Variants in CLSTN2 observed in about 807,000 individuals in gnomAD.
CLSTN2 encodes the protein calsyntenin-2.
CLSTN2 carries 48 observed loss-of-function variants against 101.2 expected under a neutral mutation model. The ratio of observed to expected loss-of-function variants is 0.47; its 90% CI spans 0.38 to 0.60. CLSTN2 has a LOEUF of 0.60. CLSTN2 is among the 20% of genes least tolerant of loss of function. The pLI is 0.00. For synonymous variants in CLSTN2, 481 were observed against 463.6 expected, an observed-to-expected ratio of 1.04 and a Z score of -0.48; for missense variants, 1,160 against 1,238.2, an observed-to-expected ratio of 0.94 and a Z score of 0.95.
At chr3:140,015,766 C>T (rs2007188205) in intron 1 of CLSTN2, among the ~76,000 whole-genome samples, 1 of 152,248 alleles carries the variant, frequency 6.6e-6, no homozygotes, top group African/African-American at 2.4e-5. Flanking sequence ...CTGCCTAGAG[C>T]AGTTGCTCTT....
intron 2 of CLSTN2, among the ~76,000 whole-genome samples, chr3:140,403,205 C>A (rs1313438410): frequency 1.3e-5 from 2 of 152,190 alleles, no homozygotes; most frequent in Non-Finnish European, 2.9e-5. Context: ...CTGGAACTCA[C>A]ATAGACTCAC....
intron 2 of CLSTN2, among the ~76,000 whole-genome samples, chr3:140,347,945 G>A (rs1442607525): frequency 6.6e-6 from 1 of 152,220 alleles, no homozygotes; most frequent in Non-Finnish European, 1.5e-5. Flanking sequence ...CTGAAAATTG[G>A]CTAAGCAGGA....
In CLSTN2 at chr3:140,566,056, C is replaced by A; in HGVS notation, c.2671C>A (p.His891Asn). The A allele has an allele frequency of 6.2e-7, 1 of 1,613,960 alleles. No homozygotes were observed. Among genetic ancestry groups the A allele is most frequent in the Non-Finnish European group, 8.5e-7 (1 of 1,179,918 alleles). ...GCTTTTTCTCCTTGATATCCAGAAA[C>A]ATGAAGGACCAGGGCATGGGGAAGA... ...LTITVNPMEK[H>N]EGPGHGEDET... Residue 891 changes from histidine (H) to asparagine (N), a missense_variant, in exon 17 of 17, where the codon CAT (histidine) becomes AAT (asparagine). By Grantham distance (68) the His-to-Asn change is moderately conservative (BLOSUM62 1). Transcript: ENST00000458420.
intron 2 of CLSTN2, among the ~76,000 whole-genome samples, chr3:140,200,520 T>C (rs1184859261): frequency 3.3e-5 from 5 of 152,198 alleles, no homozygotes; most frequent in South Asian, 2.1e-4. Context: ...TAGCATGCTC[T>C]TTATATCTAC....
intron 2 of CLSTN2, among the ~76,000 whole-genome samples, chr3:140,232,300 T>C (rs2107860929): frequency 6.6e-6 from 1 of 152,300 alleles, no homozygotes; most frequent in South Asian, 2.1e-4. Flanking sequence ...GATCTAGCCA[T>C]AGAGTTATTG....
chr3:140,220,822 G>A (rs1237863535), intron 2 of CLSTN2, among the ~76,000 whole-genome samples: 1 of 152,214 alleles, frequency 6.6e-6, no homozygotes, highest in Non-Finnish European at 1.5e-5. Flanking sequence ...GAGAAGGAAA[G>A]GAGAGTGAAA....
At chr3:140,029,147 T>G (rs1422522432) in intron 1 of CLSTN2, among the ~76,000 whole-genome samples, 1 of 152,192 alleles carries the variant, frequency 6.6e-6, no homozygotes, top group Non-Finnish European at 1.5e-5. Flanking sequence ...TTTTTTTTCT[T>G]GCCTTCTCCA....
At chr3:140,395,692 A>G (rs1469755846) in intron 2 of CLSTN2, among the ~76,000 whole-genome samples, 1 of 152,240 alleles carries the variant, frequency 6.6e-6, no homozygotes, top group Non-Finnish European at 1.5e-5. Flanking sequence ...ATTCAGCCCT[A>G]AAGTGATATT....
chr3:140,557,259 A>C (rs1395960372), intron 11 of CLSTN2, among the ~76,000 whole-genome samples: 1 of 152,116 alleles, frequency 6.6e-6, no homozygotes, highest in Non-Finnish European at 1.5e-5. Context: ...GGAAGGTAGA[A>C]GTGCAGTCAT....
chr3:140,485,185 T>G (rs1934210774), intron 8 of CLSTN2, among the ~76,000 whole-genome samples: 1 of 152,234 alleles, frequency 6.6e-6, no homozygotes, highest in Non-Finnish European at 1.5e-5. Context: ...GTGAGGACCC[T>G]CAGCCACAGG....
rs113780705 is a variant in CLSTN2 at position 140,318,329 on chromosome 3, G to A, written c.233-85300G>A. Among the ~76,000 whole-genome samples the A allele has an allele frequency of 3.8e-3, 576 of 152,304 alleles. 8 individuals are homozygous for A. Among genetic ancestry groups the A allele is most frequent in the African/African-American group, 0.013 (551 of 41,562 alleles). The stretch of plus-strand genomic sequence containing the variant: ...AGGGGCTCGGAAATATAAGTAGTGA[G>A]ATGAATCCCAATGGTTGTGGGGAGA... On this transcript the variant is annotated intron_variant, in intron 2 of 16. Transcript: ENST00000458420.
intron 1 of CLSTN2, among the ~76,000 whole-genome samples, chr3:140,028,676 C>T (rs757750661): frequency 9.2e-5 from 14 of 152,194 alleles, no homozygotes; most frequent in Non-Finnish European, 1.8e-4. Context: ...GGAGCATGAA[C>T]TGTGGGGTGA....
At chr3:140,326,840 C>T (rs1207033421) in intron 2 of CLSTN2, among the ~76,000 whole-genome samples, 1 of 152,130 alleles carries the variant, frequency 6.6e-6, no homozygotes, top group Non-Finnish European at 1.5e-5. Flanking sequence ...TCCAAAAGTG[C>T]CCTCTATAAC....
intron 2 of CLSTN2, among the ~76,000 whole-genome samples, chr3:140,271,690 C>A (rs2107890146): frequency 6.6e-6 from 1 of 152,282 alleles, no homozygotes; most frequent in South Asian, 2.1e-4. Context: ...ATACCATAAC[C>A]CTGGTGATTA....
intron 2 of CLSTN2, among the ~76,000 whole-genome samples, chr3:140,333,143 C>T (rs1360742123): frequency 2.0e-5 from 3 of 152,170 alleles, no homozygotes; most frequent in South Asian, 2.1e-4. Flanking sequence ...CTCCTTTCGG[C>T]GTCACTTCTC....
intron 2 of CLSTN2, among the ~76,000 whole-genome samples, chr3:140,287,628 A>G (rs2086907564): frequency 6.6e-6 from 1 of 152,190 alleles, no homozygotes; most frequent in African/African-American, 2.4e-5. Flanking sequence ...AAAAAAACAT[A>G]GTTTTTTTTC....
chr3:140,358,794 GT>G (rs1374721938), intron 2 of CLSTN2, among the ~76,000 whole-genome samples: 2 of 151,924 alleles, frequency 1.3e-5, no homozygotes, highest in East Asian at 3.9e-4. Flanking sequence ...CAACACCTGT[GT>G]TTTTTTAATG....
intron 5 of CLSTN2, among the ~76,000 whole-genome samples, chr3:140,445,870 C>T (rs7650005): frequency 0.27 from 41,352 of 151,976 alleles, 8,111 homozygotes; most frequent in African/African-American, 0.56. Flanking sequence ...CTGACTAGCA[C>T]GATGAGGCCT....
chr3:140,548,080 G>A (rs1935634343), intron 10 of CLSTN2, among the ~76,000 whole-genome samples: 1 of 152,256 alleles, frequency 6.6e-6, no homozygotes, highest in African/African-American at 2.4e-5. Flanking sequence ...TTCCAGATCA[G>A]TAGCCTACTG....
Sources: gnomAD v4.1 joint callset for allele counts (sites outside exome capture counted in the v4.1 genomes callset) on GRCh38, gnomAD v4.1.1 for gene constraint, MANE v1.5 for transcripts, NCBI Gene and HGNC (gene_info 2026-07-23, HGNC 2026-07-21) for gene names.